Variants in ZPBP observed in about 807,000 individuals in gnomAD.
The protein encoded by ZPBP is zona pellucida-binding protein 1.
In ZPBP, 26 loss-of-function variants were observed where a neutral mutation model predicts 44.8. The observed-to-expected ratio is 0.58, with a 90% CI of 0.43 to 0.81. The LOEUF is 0.81. ZPBP is among the 30% of genes least tolerant of loss of function. The probability of loss-of-function intolerance (pLI) is 0.00; values close to 1 mark genes in which losing one functional copy is unlikely to be tolerated. For missense variants in ZPBP, 409 were observed against 434.0 expected (o/e 0.94, Z 0.51); for synonymous variants, 174 against 153.2 (o/e 1.14, Z -1.00).
chr7:49,869,224 T>C (rs748429358), intron 2 of ZPBP, among the ~76,000 whole-genome samples: 164 of 152,302 alleles, frequency 1.1e-3, no homozygotes, highest in Non-Finnish European at 2.0e-3. Flanking sequence ...AGACATTGAC[T>C]ATAATTCCAT....
At chr7:49,976,679 G>A (rs533301987) in intron 7 of ZPBP, among the ~76,000 whole-genome samples, 32 of 152,102 alleles carry the variant, frequency 2.1e-4, no homozygotes, top group Non-Finnish European at 3.7e-4. Flanking sequence ...CATCATGGCC[G>A]GGAGAAGCAC....
At chr7:49,977,938 G>C (rs1583958039) in intron 7 of ZPBP, among the ~76,000 whole-genome samples, 1 of 152,162 alleles carries the variant, frequency 6.6e-6, no homozygotes, top group Middle Eastern at 3.4e-3. Context: ...GATATGTTTT[G>C]AGAAAATCTT....
chr7:49,847,892 T>G (rs1195666548), downstream of ZPBP, among the ~76,000 whole-genome samples: 1 of 152,010 alleles, frequency 6.6e-6, no homozygotes, highest in East Asian at 1.9e-4. Context: ...ACAAGAAAAG[T>G]GCACTCACAG....
chr7:50,092,913 C>A (rs1350789799), intron 1 of ZPBP, 155 bp downstream of exon 1: 6 of 1,181,616 alleles, frequency 5.1e-6, no homozygotes, highest in Non-Finnish European at 6.8e-6. Context: ...TGACTTTGTA[C>A]GACTTCCATA....
At chr7:50,065,351 G>A (rs1345596909) in intron 3 of ZPBP, among the ~76,000 whole-genome samples, 1 of 150,822 alleles carries the variant, frequency 6.6e-6, no homozygotes, top group African/African-American at 2.5e-5. Flanking sequence ...TTGATCTCAA[G>A]AGTGGCTTAG....
intron 6 of ZPBP, among the ~76,000 whole-genome samples, chr7:50,002,155 G>A (rs904002661): frequency 1.3e-5 from 2 of 152,082 alleles, no homozygotes; most frequent in African/African-American, 2.4e-5. Flanking sequence ...GGCTAGGGGG[G>A]CCTCACAATC....
chr7:50,064,514 G>A (rs113600528), intron 3 of ZPBP, among the ~76,000 whole-genome samples: 2,382 of 152,202 alleles, frequency 0.016, 72 homozygotes, highest in African/African-American at 0.054. Context: ...CTGTAGCCTC[G>A]ACCATAAGAG....
chr7:49,888,771 C>T (rs1380385572), intron 2 of ZPBP, among the ~76,000 whole-genome samples: 1 of 152,070 alleles, frequency 6.6e-6, no homozygotes, highest in Non-Finnish European at 1.5e-5. Context: ...ATTAGCCAGG[C>T]GTGGTGGCAG....
chr7:49,948,141 G>T (rs532531075), intron 7 of ZPBP, among the ~76,000 whole-genome samples: 1 of 152,298 alleles, frequency 6.6e-6, no homozygotes, highest in East Asian at 1.9e-4. Context: ...CTATCCAGGA[G>T]CGATGGCCTG....
intron 6 of ZPBP, among the ~76,000 whole-genome samples, chr7:50,001,902 T>A (rs1798115150): frequency 6.6e-6 from 1 of 152,140 alleles, no homozygotes; most frequent in South Asian, 2.1e-4. Flanking sequence ...TTAATATTTA[T>A]TTTGTATGCA....
chr7:49,967,351 A>G (rs1427078655), intron 7 of ZPBP, among the ~76,000 whole-genome samples: 1 of 152,124 alleles, frequency 6.6e-6, no homozygotes, highest in African/African-American at 2.4e-5. Flanking sequence ...GGAAGCAGGT[A>G]CCTTGTTTTC....
chr7:49,937,734 C>G (rs767547186), intron 7 of ZPBP, 112 bp from the exon 8 acceptor site: 1 of 841,212 alleles, frequency 1.2e-6, no homozygotes. Flanking sequence ...CATATTCACA[C>G]TGTTGTGCAA....
chr7:50,077,841 CA>C (rs1802173967), intron 3 of ZPBP, among the ~76,000 whole-genome samples: 1 of 151,800 alleles, frequency 6.6e-6, no homozygotes, highest in Non-Finnish European at 1.5e-5. Context: ...GGAGGCTTCT[CA>C]AAAAACTAAA....
chr7:49,908,196 C>G (rs758816634), intron 1 of ZPBP, among the ~76,000 whole-genome samples: 3 of 152,130 alleles, frequency 2.0e-5, no homozygotes, highest in African/African-American at 7.2e-5. Flanking sequence ...GTTTTAAGAT[C>G]TCTATTTTAA....
intron 7 of ZPBP, among the ~76,000 whole-genome samples, chr7:49,982,251 T>G (rs1446352127): frequency 9.4e-6 from 1 of 106,538 alleles, no homozygotes; most frequent in Admixed American, 1.4e-4. Flanking sequence ...TTATATTATA[T>G]ATTTATATTA....
At chr7:50,067,522 T>C (rs1167555778) in intron 3 of ZPBP, among the ~76,000 whole-genome samples, 1 of 152,190 alleles carries the variant, frequency 6.6e-6, no homozygotes, top group Non-Finnish European at 1.5e-5. Flanking sequence ...GAGTCCAAAG[T>C]CACCACTGTA....
chr7:50,001,154 T>C (rs999201782), intron 6 of ZPBP, among the ~76,000 whole-genome samples: 2 of 152,204 alleles, frequency 1.3e-5, no homozygotes, highest in Non-Finnish European at 2.9e-5. Context: ...TGCTGGTCTA[T>C]GTTATAGCCT....
At chr7:50,085,633 G>A (rs549634609) in intron 2 of ZPBP, among the ~76,000 whole-genome samples, 7 of 152,158 alleles carry the variant, frequency 4.6e-5, no homozygotes, top group East Asian at 1.9e-4. Flanking sequence ...AAGGCTGCCC[G>A]TACTTGACCT....
chr7:50,013,400 T>C (rs1240617149), intron 6 of ZPBP, among the ~76,000 whole-genome samples: 2 of 151,962 alleles, frequency 1.3e-5, no homozygotes, highest in African/African-American at 4.8e-5. Flanking sequence ...TCTTTTGGCA[T>C]GTACAGAAGT....
Sources: gnomAD v4.1 joint callset for allele counts (sites outside exome capture counted in the v4.1 genomes callset) on GRCh38, gnomAD v4.1.1 for gene constraint, MANE v1.5 for transcripts, NCBI Gene and HGNC (gene_info 2026-07-23, HGNC 2026-07-21) for gene names.